MITF: variants seen among roughly 807,000 people sequenced by gnomAD.
MITF encodes melanocyte inducing transcription factor, also known as microphthalmia-associated transcription factor.
Under a neutral mutation model 60.5 loss-of-function variants are expected in MITF, and 17 were observed. The observed-to-expected ratio is 0.28, with a 90% confidence interval of 0.19 to 0.42. MITF has a LOEUF of 0.42. MITF is among the 10% of genes least tolerant of loss of function. The pLI is 1.00. For missense variants in MITF, 622 were observed against 683.5 expected (o/e 0.91, Z 1.00); for synonymous variants, 260 against 248.5 (o/e 1.05, Z -0.43).
intron 2 of MITF, among the ~76,000 whole-genome samples, chr3:69,934,115 G>A (rs1408871539): frequency 6.6e-6 from 1 of 152,146 alleles, no homozygotes; most frequent in African/African-American, 2.4e-5. Flanking sequence ...GATGATGCTA[G>A]AATGCCAACC....
At chr3:69,762,673 A>G (rs2062228948) in intron 1 of MITF, 1 of 217,818 alleles carries the variant, frequency 4.6e-6, no homozygotes, top group Non-Finnish European at 9.2e-6. Flanking sequence ...TTTGGTCAGC[A>G]TTAGTCATTG....
intron 1 of MITF, among the ~76,000 whole-genome samples, chr3:69,829,698 CAACT>C (rs1236617088): frequency 1.0e-4 from 14 of 136,980 alleles, no homozygotes; most frequent in Admixed American, 7.1e-4. Context: ...ACACACACAC[CAACT>C]GTCAGGTGAT....
At chr3:69,786,880 C>T (rs112806519) in intron 1 of MITF, among the ~76,000 whole-genome samples, 9 of 152,286 alleles carry the variant, frequency 5.9e-5, no homozygotes, top group African/African-American at 1.7e-4. Flanking sequence ...AGTCCACATC[C>T]TTTTGGACTT....
At chr3:69,839,566 C>G (rs2063598083) in intron 1 of MITF, among the ~76,000 whole-genome samples, 1 of 151,856 alleles carries the variant, frequency 6.6e-6, no homozygotes, top group Non-Finnish European at 1.5e-5. Context: ...GTTGCATCCT[C>G]CCAGCCATCG....
rs189408050 is a variant in MITF at position 69,840,536 on chromosome 3, T to G, written c.105-38598T>G. 2.1e-3 allele frequency among the ~76,000 whole-genome samples: 314 copies of G among 152,228 alleles called. 1 individual carries two copies. The highest frequency in any genetic ancestry group is 6.9e-3 in the African/African-American group (285 of 41,530). On this transcript the variant is annotated intron_variant, in intron 1 of 9. Coordinates refer to ENST00000352241, the MANE Select transcript of MITF (RefSeq NM_001354604.2). ...ATAAAATGTGGTGGAGATTGGCACC[T>G]CTTCTGCCATTCTTTAACCTCCATA...
intron 2 of MITF, among the ~76,000 whole-genome samples, chr3:69,932,881 TG>T (rs2065753359): frequency 6.6e-6 from 1 of 152,132 alleles, no homozygotes; most frequent in Non-Finnish European, 1.5e-5. Context: ...TAAAACAGTA[TG>T]AAAAGAATAG....
intron 1 of MITF, among the ~76,000 whole-genome samples, chr3:69,852,881 T>G (rs1355797320): frequency 6.6e-6 from 1 of 152,140 alleles, no homozygotes; most frequent in Non-Finnish European, 1.5e-5. Flanking sequence ...ATAGGGATGG[T>G]GAGTGCATGA....
intron 1 of MITF, among the ~76,000 whole-genome samples, chr3:69,855,416 T>G: frequency 6.6e-6 from 1 of 152,248 alleles, no homozygotes; most frequent in South Asian, 2.1e-4. Flanking sequence ...TTTTATAGTA[T>G]TATTGATACT....
intron 1 of MITF, among the ~76,000 whole-genome samples, chr3:69,776,571 G>A (rs114227713): frequency 6.6e-6 from 1 of 152,202 alleles, no homozygotes; most frequent in East Asian, 1.9e-4. Flanking sequence ...TGTGGTTCAT[G>A]GTAAGTGCTA....
intron 1 of MITF, among the ~76,000 whole-genome samples, chr3:69,797,862 G>A (rs2106939935): frequency 6.6e-6 from 1 of 152,318 alleles, no homozygotes; most frequent in African/African-American, 2.4e-5. Flanking sequence ...AGTGCTGTGG[G>A]TCAGAGATTA....
intron 2 of MITF, among the ~76,000 whole-genome samples, chr3:69,896,844 C>T (rs1374662244): frequency 6.6e-6 from 1 of 152,150 alleles, no homozygotes; most frequent in African/African-American, 2.4e-5. Flanking sequence ...TAATCAGTAT[C>T]AGCTAGTACT....
chr3:69,739,842 C>A, intron 1 of MITF, 141 bp downstream of exon 1: 1 of 662,396 alleles, frequency 1.5e-6, no homozygotes, highest in South Asian at 1.8e-5. Context: ...GCGAACTGCC[C>A]CTCGCAGTTG....
intron 1 of MITF, among the ~76,000 whole-genome samples, chr3:69,811,848 G>A (rs1182640991): frequency 6.6e-6 from 1 of 152,206 alleles, no homozygotes; most frequent in Admixed American, 6.5e-5. Flanking sequence ...GAGGCAAGGT[G>A]CATGCACATT....
At chr3:69,885,437 A>G (rs372180778) in intron 2 of MITF, among the ~76,000 whole-genome samples, 23 of 152,224 alleles carry the variant, frequency 1.5e-4, no homozygotes, top group East Asian at 7.7e-4. Context: ...AGTGAGGGCT[A>G]AAAACTGGAG....
intron 1 of MITF, among the ~76,000 whole-genome samples, chr3:69,789,469 A>G (rs1442360597): frequency 6.6e-6 from 1 of 152,202 alleles, no homozygotes; most frequent in Non-Finnish European, 1.5e-5. Flanking sequence ...GATGGCTACT[A>G]TTAAAGAAAA....
chr3:69,839,171 T>G (rs1344972617), intron 1 of MITF, among the ~76,000 whole-genome samples: 2 of 151,920 alleles, frequency 1.3e-5, no homozygotes, highest in Admixed American at 1.3e-4. Context: ...TTAAAGGGAC[T>G]TGGGAGAATG....
chr3:69,756,329 T>C (rs60604566), intron 1 of MITF, among the ~76,000 whole-genome samples: 1 of 152,248 alleles, frequency 6.6e-6, no homozygotes, highest in African/African-American at 2.4e-5. Context: ...TTCCCCTCCC[T>C]GTGTCCATGT....
In MITF at chr3:69,951,555, C is replaced by A. The variant is rs1197124202; in HGVS notation, c.881-257C>A. Reference sequence around the variant, plus strand: ...AGTATCTGTATATGTTTACAGTGTGCTATATATAATTTTTACCAGGGTTTT... The same window carrying A: ...AGTATCTGTATATGTTTACAGTGTGATATATATAATTTTTACCAGGGTTTT... On this transcript the variant is annotated intron_variant, in intron 6 of 9. Transcript: ENST00000352241. Among the ~76,000 whole-genome samples, 4 of 151,750 alleles carry A rather than the reference C, an allele frequency of 2.6e-5. No homozygotes were observed. The East Asian group carries it at 7.7e-4, about 29-fold the overall frequency.
In MITF at chr3:69,922,386, T is replaced by C. The variant is rs181442259; in HGVS notation, c.355-15436T>C. 4.5e-3 allele frequency among the ~76,000 whole-genome samples: 692 copies of C among 152,224 alleles called. 6 individuals carry two copies. The highest frequency in any genetic ancestry group is 0.014 in the Middle Eastern group (4 of 294). ...ACAGGCATATGCCACCACACCCAGC[T>C]AATTTTTATATTTTTAGTAAAGTTA... is the stretch of plus-strand genomic sequence containing the variant. On this transcript the variant is annotated intron_variant, in intron 2 of 9. Transcript: ENST00000352241.
Sources: allele counts gnomAD v4.1 joint callset (sites outside exome capture counted in the v4.1 genomes callset), GRCh38; gene constraint gnomAD v4.1.1; transcripts MANE v1.5; gene names NCBI Gene and HGNC (gene_info 2026-07-23, HGNC 2026-07-21).